Variants in ALK observed in about 807,000 individuals in gnomAD.
The protein encoded by ALK is ALK tyrosine kinase receptor.
In ALK, 74 loss-of-function variants were observed where a neutral mutation model predicts 163.1. The observed-to-expected ratio is 0.45, with a 90% CI of 0.38 to 0.55. The LOEUF (loss-of-function observed/expected upper bound fraction) is 0.55, where lower values mean the gene tolerates loss of function less well. Ranked by LOEUF, ALK falls within the 20% of genes least tolerant of loss-of-function variation. ALK has a pLI of 0.00. For missense variants in ALK, 2,063 were observed against 2,105.3 expected, an observed-to-expected ratio of 0.98 and a Z score of 0.39; for synonymous variants, 960 against 843.2, an observed-to-expected ratio of 1.14 and a Z score of -2.40.
At chr2:29,560,163 T>C (rs1445553057) in intron 3 of ALK, among the ~76,000 whole-genome samples, 5 of 152,306 alleles carry the variant, frequency 3.3e-5, no homozygotes, top group African/African-American at 1.2e-4. Context: ...CATAGCAGCT[T>C]TATCAGTACG....
intron 4 of ALK, among the ~76,000 whole-genome samples, chr2:29,445,985 G>A (rs1298663279): frequency 1.4e-5 from 2 of 147,180 alleles, no homozygotes; most frequent in African/African-American, 5.0e-5. Flanking sequence ...TGTAGTCCCA[G>A]CTACTTGGGA....
intron 4 of ALK, among the ~76,000 whole-genome samples, chr2:29,526,215 G>A (rs890299444): frequency 2.6e-5 from 4 of 152,122 alleles, no homozygotes; most frequent in East Asian, 1.9e-4. Context: ...TTAAACCCAC[G>A]ACAACCCCGT....
chr2:29,329,841 A>C (rs1667387386), intron 5 of ALK, among the ~76,000 whole-genome samples: 1 of 152,186 alleles, frequency 6.6e-6, no homozygotes, highest in Non-Finnish European at 1.5e-5. Flanking sequence ...CCCTGTGAGG[A>C]AACTAGACAG....
At chr2:29,480,802 A>G (rs1467560078) in intron 4 of ALK, among the ~76,000 whole-genome samples, 14 of 151,588 alleles carry the variant, frequency 9.2e-5, no homozygotes, top group Non-Finnish European at 1.9e-4. Context: ...AAAAAAAAAA[A>G]AAAAAAAAAA....
At chr2:29,279,903 G>A (rs1427705656) in intron 9 of ALK, among the ~76,000 whole-genome samples, 1 of 152,234 alleles carries the variant, frequency 6.6e-6, no homozygotes, top group Non-Finnish European at 1.5e-5. Flanking sequence ...GTACCAGGTG[G>A]ACCACCATGG....
intron 4 of ALK, among the ~76,000 whole-genome samples, chr2:29,517,499 C>T (rs1283650727): frequency 6.6e-6 from 1 of 152,090 alleles, no homozygotes; most frequent in African/African-American, 2.4e-5. Flanking sequence ...CTTCAGAAAC[C>T]AGGATGCCAG....
intron 1 of ALK, among the ~76,000 whole-genome samples, chr2:29,731,619 A>G (rs1679744867): frequency 1.3e-5 from 2 of 152,222 alleles, no homozygotes; most frequent in Non-Finnish European, 2.9e-5. Context: ...TTTATTAGAT[A>G]CAGGTAGGTC....
At chr2:29,824,297 G>A (rs1377272067) in intron 1 of ALK, among the ~76,000 whole-genome samples, 2 of 152,246 alleles carry the variant, frequency 1.3e-5, no homozygotes, top group Admixed American at 1.3e-4. Context: ...CTAGGGCAGA[G>A]CAGAAGAGAA....
intron 4 of ALK, among the ~76,000 whole-genome samples, chr2:29,397,617 T>C (rs1669342394): frequency 6.6e-6 from 1 of 152,252 alleles, no homozygotes; most frequent in Non-Finnish European, 1.5e-5. Flanking sequence ...TCATTTTCTA[T>C]GTGATGACCA....
chr2:29,688,251 T>C (rs1027740789), intron 3 of ALK, among the ~76,000 whole-genome samples: 7 of 152,166 alleles, frequency 4.6e-5, no homozygotes, highest in African/African-American at 1.7e-4. Context: ...AGGAGAACAC[T>C]GCCCCAAAAA....
chr2:29,321,858 G>A (rs538409800), intron 6 of ALK, among the ~76,000 whole-genome samples: 5 of 152,224 alleles, frequency 3.3e-5, no homozygotes, highest in Non-Finnish European at 7.3e-5. Flanking sequence ...CAAAGGGCAC[G>A]TCATCTTTTT....
intron 3 of ALK, among the ~76,000 whole-genome samples, chr2:29,681,912 T>C (rs1010850129): frequency 1.3e-5 from 2 of 152,162 alleles, no homozygotes; most frequent in African/African-American, 4.8e-5. Context: ...TATTTAATTA[T>C]TTCCTCATTC....
At chr2:29,606,183 C>G (rs1351223190) in intron 3 of ALK, among the ~76,000 whole-genome samples, 1 of 152,238 alleles carries the variant, frequency 6.6e-6, no homozygotes, top group Admixed American at 6.5e-5. Context: ...ACATGGCAGG[C>G]ATTCACTTCA....
intron 1 of ALK, among the ~76,000 whole-genome samples, chr2:29,755,174 A>C (rs973897197): frequency 2.0e-5 from 3 of 152,234 alleles, no homozygotes; most frequent in Non-Finnish European, 4.4e-5. Flanking sequence ...TTCACGCAGA[A>C]GCTGGCGACC....
intron 4 of ALK, among the ~76,000 whole-genome samples, chr2:29,507,167 T>A (rs1161349249): frequency 6.6e-6 from 1 of 152,178 alleles, no homozygotes; most frequent in Non-Finnish European, 1.5e-5. Flanking sequence ...ATGTGGTATA[T>A]ACATACAATG....
At chr2:29,296,565 C>A (rs554023182) in intron 9 of ALK, among the ~76,000 whole-genome samples, 8 of 152,186 alleles carry the variant, frequency 5.3e-5, no homozygotes, top group Non-Finnish European at 1.2e-4. Context: ...TAAAACCAAA[C>A]TGTTATTTGG....
intron 4 of ALK, among the ~76,000 whole-genome samples, chr2:29,530,462 C>T (rs1673092699): frequency 6.6e-6 from 1 of 152,232 alleles, no homozygotes; most frequent in Admixed American, 6.5e-5. Context: ...CACCCGCCAC[C>T]AGCACCACAA....
intron 1 of ALK, among the ~76,000 whole-genome samples, chr2:29,846,416 T>C (rs1380499162): frequency 1.3e-5 from 2 of 152,234 alleles, no homozygotes; most frequent in South Asian, 4.1e-4. Context: ...ATTTACACAC[T>C]TATTGTCTGT....
At chr2:29,516,275 T>G (rs936417497) in intron 4 of ALK, among the ~76,000 whole-genome samples, 2 of 152,190 alleles carry the variant, frequency 1.3e-5, no homozygotes, top group Non-Finnish European at 2.9e-5. Context: ...ACACTGCCTT[T>G]AGTCCCCCAC....
Sources: gnomAD v4.1 joint callset for allele counts (sites outside exome capture counted in the v4.1 genomes callset) on GRCh38, gnomAD v4.1.1 for gene constraint, MANE v1.5 for transcripts, NCBI Gene and HGNC (gene_info 2026-07-23, HGNC 2026-07-21) for gene names.